Variants in LARP1 observed in about 807,000 individuals in gnomAD.
The protein encoded by LARP1 is La ribonucleoprotein 1, translational regulator, also known as la-related protein 1.
LARP1 carries 36 observed loss-of-function variants against 122.7 expected under a neutral mutation model. The ratio of observed to expected loss-of-function variants is 0.29; its 90% CI spans 0.22 to 0.39. LARP1 has a LOEUF of 0.39. Ranked by LOEUF, LARP1 falls within the 10% of genes least tolerant of loss-of-function variation. The pLI, the probability that LARP1 is intolerant of heterozygous loss-of-function variation, is 1.00. For synonymous variants in LARP1, 539 were observed against 528.7 expected (o/e 1.02, Z -0.27); for missense variants, 1,040 against 1,403.6 (o/e 0.74, Z 4.14).
At chr5:154,793,570 C>G in intron 4 of LARP1, 25 bp from the exon 5 acceptor site, 1 of 1,614,138 alleles carries the variant, frequency 6.2e-7, no homozygotes, top group South Asian at 1.1e-5. Flanking sequence ...TCAAGCCTTT[C>G]TCATGTACCC....
rs1759623963 is a variant in LARP1, at chr5:154,815,750, C to A, written c.*1654C>A. Reference sequence around the variant, plus strand: ...ACATAGAGTATACCTGATTCTCTTTCTTCAGCCACTGACTGCTTGGGTTGG... The same window carrying A: ...ACATAGAGTATACCTGATTCTCTTTATTCAGCCACTGACTGCTTGGGTTGG... On this transcript the variant is annotated 3_prime_UTR_variant, in exon 19 of 19. Transcript: ENST00000518297. The A allele has an allele frequency of 6.6e-6, 1 of 152,300 alleles. No homozygotes were observed. Among genetic ancestry groups the A allele is most frequent in the Non-Finnish European group, 1.5e-5 (1 of 68,092 alleles). 9.4% of individuals were successfully genotyped at this position (152,300 alleles called of 1,614,324 possible). A position where few individuals can be genotyped will look rare whatever the true frequency, so the allele number is the denominator to read the frequency against.
chr5:154,774,240 GGTTTAAAGACTGGATGGA>G (rs762010923), intron 1 of LARP1, among the ~76,000 whole-genome samples: 122 of 152,262 alleles, frequency 8.0e-4, no homozygotes, highest in Non-Finnish European at 1.5e-3. Context: ...GATGATTGGG[GGTTTAAAGACTGGATGGA>G]GTTTAAATAC....
At chr5:154,799,548 A>T in intron 8 of LARP1, 43 bp from the exon 9 acceptor site, 1 of 1,602,730 alleles carries the variant, frequency 6.2e-7, no homozygotes, top group Non-Finnish European at 8.5e-7. Context: ...CTTTCTGTCC[A>T]AGATTTTCTT....
At position 154,755,505 on chromosome 5, in the gene LARP1, A is replaced by G. The variant is rs1295055629; in HGVS notation, c.-253A>G. The G allele has an allele frequency of 1.9e-5, 18 of 958,644 alleles. No individual in the cohort carries two copies. The highest frequency in any genetic ancestry group is 2.5e-6 in the Non-Finnish European group (2 of 808,514). 59.4% of individuals were successfully genotyped at this position (958,644 alleles called of 1,614,324 possible). On this transcript the variant is annotated 5_prime_UTR_variant, in exon 1 of 19. Coordinates refer to ENST00000518297, the MANE Select transcript of LARP1 (RefSeq NM_033551.3). Reference sequence around the variant, plus strand: ...TCTTGCGAGGAACGGGCGGGGGGGGACGCACGCCTAGGAGGCCTGGACTGC... The same window carrying G: ...TCTTGCGAGGAACGGGCGGGGGGGGGCGCACGCCTAGGAGGCCTGGACTGC...
intron 1 of LARP1, among the ~76,000 whole-genome samples, chr5:154,706,001 A>G (rs938387012): frequency 3.3e-5 from 5 of 152,136 alleles, no homozygotes; most frequent in Non-Finnish European, 5.9e-5. Flanking sequence ...GATAAAGAAA[A>G]TGTGGTACAT....
At chr5:154,813,420 G>T (rs1450990502) in intron 18 of LARP1, among the ~76,000 whole-genome samples, 1 of 152,186 alleles carries the variant, frequency 6.6e-6, no homozygotes, top group Non-Finnish European at 1.5e-5. Context: ...AAGAGAATGA[G>T]GTGATCCCCA....
rs187916778 is a variant in LARP1 at position 154,761,440 on chromosome 5, C to T, written c.436+5247C>T. On this transcript the variant is annotated intron_variant, in intron 1 of 18. Transcript: ENST00000518297. ...ATAGCTGTTACTGAGCACCCATTCTCTTTTCTGGGAGGTGGGCAGGGTGGG... is the reference window on the plus strand; with the variant it reads ...ATAGCTGTTACTGAGCACCCATTCTTTTTTCTGGGAGGTGGGCAGGGTGGG... Among the ~76,000 whole-genome samples, 273 of 152,262 alleles carry T rather than the reference C, an allele frequency of 1.8e-3. 4 individuals are homozygous for T. The East Asian group carries it at 0.024, about 13-fold the overall frequency.
At chr5:154,726,406 C>T (rs937529494) in intron 1 of LARP1, among the ~76,000 whole-genome samples, 1 of 152,086 alleles carries the variant, frequency 6.6e-6, no homozygotes, top group African/African-American at 2.4e-5. Flanking sequence ...TTTCAGTAGA[C>T]AAAACCACAT....
At chr5:154,751,588 G>T (rs1753493077), upstream of LARP1, among the ~76,000 whole-genome samples, 1 of 152,108 alleles carries the variant, frequency 6.6e-6, no homozygotes, top group South Asian at 2.1e-4. Flanking sequence ...GTCATTACTA[G>T]TCCCCTCTTA....
chr5:154,717,852 TTC>T (rs1040611762), intron 1 of LARP1, among the ~76,000 whole-genome samples: 1 of 151,976 alleles, frequency 6.6e-6, no homozygotes, highest in East Asian at 1.9e-4. Flanking sequence ...GGTGAGAATG[TTC>T]TCTCTTTCTC....
rs1351094438 is a variant in LARP1 at position 154,803,835 on chromosome 5, A to C, written c.2439+90A>C. The C allele has an allele frequency of 2.3e-6, 3 of 1,322,886 alleles. No individual in the cohort carries two copies. Among genetic ancestry groups the C allele is most frequent in the African/African-American group, 1.5e-5 (1 of 68,592 alleles). 81.9% of individuals were successfully genotyped at this position (1,322,886 alleles called of 1,614,324 possible). A position where few individuals can be genotyped will look rare whatever the true frequency, so the allele number is the denominator to read the frequency against. Reference sequence around the variant, plus strand: ...TTCTCTCCCTTGCCTTGTCTGAGCTAAGGAAGTGCTAAATCCTTCACCTGC... The same window carrying C: ...TTCTCTCCCTTGCCTTGTCTGAGCTCAGGAAGTGCTAAATCCTTCACCTGC... On this transcript the variant is annotated intron_variant, in intron 13 of 18. Transcript: ENST00000518297. This position sits in a 1 kb window ranked among gnomAD's most constrained non-coding sequence, Gnocchi z 4.4.
chr5:154,811,572 T>C lies in LARP1; in HGVS notation c.3013T>C (p.Leu1005=), dbSNP rs1295716070. 1.2e-6 allele frequency: 2 copies of C among 1,614,038 alleles called. No individual in the cohort carries two copies. The highest frequency in any genetic ancestry group is 1.1e-5 in the South Asian group (1 of 91,088). ...CTTGAAATATTCCAAAGCCAAAAAT[T>C]TGGACATTGACCCCAAACTGCAAGA... ...AFLKYSKAKN[L]DIDPKLQEYL... Residue 1005 remains leucine (L), a synonymous_variant, in exon 18 of 19, where the codon TTG becomes CTG. Transcript: ENST00000518297.
chr5:154,778,697 C>T (rs1275002807), intron 1 of LARP1, among the ~76,000 whole-genome samples: 3 of 152,208 alleles, frequency 2.0e-5, no homozygotes, highest in Non-Finnish European at 2.9e-5. Flanking sequence ...TCTTGCCAAG[C>T]ATCCATAGCA....
intron 1 of LARP1, among the ~76,000 whole-genome samples, chr5:154,770,514 C>T (rs1755314943): frequency 6.6e-6 from 1 of 152,112 alleles, no homozygotes; most frequent in African/African-American, 2.4e-5. Context: ...GGCTCTCTCC[C>T]TGCCCCAGGG....
In LARP1 at chr5:154,712,930, T is replaced by TTTGGAGGG. The variant is rs770009903; in HGVS notation, c.7_14dup (p.Leu6GlyfsTer75). 9.9e-6 allele frequency: 16 copies of TTTGGAGGG among 1,614,092 alleles called. No homozygotes were observed. In the East Asian group the frequency reaches 3.6e-4, roughly 36 times the overall value. On this transcript the variant is annotated frameshift_variant, in exon 1 of 19. Transcript: ENST00000336314. LOFTEE classifies it high-confidence loss of function. ...ACCCCAGGCCCTGGTCACTCCATGC[T>TTTGGAGGG]TTGGAGGGTGCTTTTGTCAAAGAGG...
chr5:154,765,701 T>G (rs1284696307), intron 1 of LARP1, among the ~76,000 whole-genome samples: 1 of 152,220 alleles, frequency 6.6e-6, no homozygotes, highest in African/African-American at 2.4e-5. Context: ...GCTATTTTTC[T>G]TCTTAGCTCT....
At chr5:154,718,171 C>T (rs1202640976) in intron 1 of LARP1, among the ~76,000 whole-genome samples, 18 of 152,156 alleles carry the variant, frequency 1.2e-4, no homozygotes, top group Admixed American at 1.2e-3. Context: ...AACCTCTTGC[C>T]TCAGCCTCCT....
At chr5:154,770,494 G>T (rs999582208) in intron 1 of LARP1, among the ~76,000 whole-genome samples, 1 of 151,974 alleles carries the variant, frequency 6.6e-6, no homozygotes, top group African/African-American at 2.4e-5. Flanking sequence ...CTCCCTCCCT[G>T]CCCATCCCTG....
In LARP1 at chr5:154,719,879, G is replaced by A. The variant is rs1257750508; in HGVS notation, c.205+6749G>A. Among the ~76,000 whole-genome samples the A allele has an allele frequency of 3.1e-5, 4 of 130,720 alleles. No homozygotes were observed. The East Asian group carries it at 7.1e-4, about 23-fold the overall frequency. 85.8% of individuals were successfully genotyped at this position (130,720 alleles called of 152,430 possible). A position where few individuals can be genotyped will look rare whatever the true frequency, so the allele number is the denominator to read the frequency against. ...TCTGTCTCAAAAAAAAAAAAAAAAA[G>A]ATATAACTATGGTAATTTTAAAGTA... On this transcript the variant is annotated intron_variant, in intron 1 of 18. Transcript: ENST00000336314.
Sources: allele counts gnomAD v4.1 joint callset (sites outside exome capture counted in the v4.1 genomes callset), GRCh38; gene constraint gnomAD v4.1.1; non-coding constraint Gnocchi (gnomAD v3.1); transcripts MANE v1.5; gene names NCBI Gene and HGNC (gene_info 2026-07-23, HGNC 2026-07-21).